CAP2: variants seen among roughly 807,000 people sequenced by gnomAD.
CAP2 encodes the protein adenylyl cyclase-associated protein 2.
A neutral mutation model predicts 57.7 loss-of-function variants in CAP2; 24 were observed. That is an observed-to-expected ratio of 0.42 (90% CI 0.30 to 0.58). CAP2 has a LOEUF of 0.58. Ranked by LOEUF, CAP2 falls within the 20% of genes least tolerant of loss-of-function variation. CAP2 has a pLI of 0.22. For synonymous variants in CAP2, 194 were observed against 207.2 expected (o/e 0.94, Z 0.55); for missense variants, 501 against 590.3 (o/e 0.85, Z 1.57).
intron 1 of CAP2, among the ~76,000 whole-genome samples, chr6:17,397,341 T>C (rs1758693339): frequency 6.6e-6 from 1 of 151,208 alleles, no homozygotes; most frequent in South Asian, 2.1e-4. Flanking sequence ...ATTACAGGCC[T>C]GAGCCACCGC....
At chr6:17,530,818 C>CTTT (rs35589543) in intron 7 of CAP2, 41 of 535,622 alleles carry the variant, frequency 7.7e-5, no homozygotes, top group South Asian at 2.2e-4. Context: ...TGGTCTCCCA[C>CTTT]TTTTTTTTTT....
chr6:17,416,359 G>A (rs145106412), intron 1 of CAP2, among the ~76,000 whole-genome samples: 25 of 152,044 alleles, frequency 1.6e-4, no homozygotes, highest in African/African-American at 4.8e-4. Flanking sequence ...TAGCTGCAGC[G>A]AACGTTCATT....
intron 4 of CAP2, among the ~76,000 whole-genome samples, chr6:17,487,615 A>G (rs1581561351): frequency 6.6e-6 from 1 of 151,894 alleles, no homozygotes; most frequent in African/African-American, 2.4e-5. Context: ...GATTACAGGC[A>G]CCCGCCACCA....
Position 17,539,444 on chromosome 6 carries a change from A to T in CAP2, c.812A>T (p.Glu271Val). The change falls in exon 8 of 13, where the codon GAA becomes GTA. Residue 271 changes from glutamate to valine, a missense_variant. Transcript: ENST00000229922. ...SALFAQLNQG[E>V]AITKGLRHVT... ...TTATTTGCCCAACTTAACCAGGGAG[A>T]AGCAATTACAAAAGGTGAGAGAGAA... 1 of 1,613,706 alleles carries T rather than the reference A, an allele frequency of 6.2e-7. No individual in the cohort carries two copies. Among genetic ancestry groups the T allele is most frequent in the South Asian group, 1.1e-5 (1 of 91,056 alleles).
intron 1 of CAP2, among the ~76,000 whole-genome samples, chr6:17,419,773 T>A (rs1206999774): frequency 6.6e-6 from 1 of 151,910 alleles, no homozygotes; most frequent in Non-Finnish European, 1.5e-5. Context: ...AACCTCCACC[T>A]CCTGGGTTCA....
chr6:17,545,405 A>C (rs1357065723), intron 11 of CAP2, among the ~76,000 whole-genome samples: 1 of 152,206 alleles, frequency 6.6e-6, no homozygotes, highest in African/African-American at 2.4e-5. Flanking sequence ...GAAAATGGGA[A>C]GTTCTAAATA....
chr6:17,552,910 C>T (rs1307314917), intron 12 of CAP2, among the ~76,000 whole-genome samples: 1 of 152,052 alleles, frequency 6.6e-6, no homozygotes, highest in Non-Finnish European at 1.5e-5. Flanking sequence ...ACATTACAGG[C>T]CAGAATTCAT....
At chr6:17,460,927 C>G (rs939071715) in intron 3 of CAP2, among the ~76,000 whole-genome samples, 1 of 152,134 alleles carries the variant, frequency 6.6e-6, no homozygotes, top group Admixed American at 6.5e-5. Flanking sequence ...ACAGGAGGAT[C>G]GCTTGAGCAC....
At chr6:17,539,204 C>T (rs192010997) in intron 7 of CAP2, 65 bp from the exon 8 acceptor site, 18 of 1,487,932 alleles carry the variant, frequency 1.2e-5, no homozygotes, top group African/African-American at 1.4e-5. Context: ...TCGACTCTCT[C>T]GGGCAAAATC....
chr6:17,536,003 G>A (rs972949132), intron 7 of CAP2, among the ~76,000 whole-genome samples: 2 of 152,072 alleles, frequency 1.3e-5, no homozygotes, highest in African/African-American at 4.8e-5. Flanking sequence ...ATTTTTAGTA[G>A]AGACAGTGTT....
chr6:17,531,031 C>T (rs1762626123), intron 7 of CAP2: 2 of 928,664 alleles, frequency 2.2e-6, no homozygotes, highest in Non-Finnish European at 1.8e-6. Context: ...AAGTTATTTG[C>T]TTCTTTGAAG....
At chr6:17,442,857 A>G (rs919764744) in intron 3 of CAP2, among the ~76,000 whole-genome samples, 1 of 151,878 alleles carries the variant, frequency 6.6e-6, no homozygotes, top group Non-Finnish European at 1.5e-5. Flanking sequence ...AGCTGGAACT[A>G]CAGATGTGCG....
chr6:17,445,378 A>G (rs1445345034), intron 3 of CAP2, among the ~76,000 whole-genome samples: 1 of 152,226 alleles, frequency 6.6e-6, no homozygotes, highest in Non-Finnish European at 1.5e-5. Flanking sequence ...AAGTGCTTGG[A>G]TTGTAGGCGT....
chr6:17,433,982 G>A (rs554395300), intron 3 of CAP2, among the ~76,000 whole-genome samples: 17 of 152,112 alleles, frequency 1.1e-4, no homozygotes, highest in African/African-American at 3.6e-4. Flanking sequence ...ACCAGACTTC[G>A]AAGGGCCACC....
chr6:17,551,150 A>G (rs934339660), intron 11 of CAP2, among the ~76,000 whole-genome samples: 1 of 152,228 alleles, frequency 6.6e-6, no homozygotes, highest in African/African-American at 2.4e-5. Context: ...TTTTGAATCT[A>G]CTAACAGGGT....
intron 1 of CAP2, among the ~76,000 whole-genome samples, chr6:17,407,540 G>A (rs1759012678): frequency 6.6e-6 from 1 of 151,696 alleles, no homozygotes; most frequent in Admixed American, 6.6e-5. Flanking sequence ...ACTTTTGGAG[G>A]CCAAGGCAGG....
At chr6:17,448,611 AAG>A (rs1760322841) in intron 3 of CAP2, among the ~76,000 whole-genome samples, 2 of 152,320 alleles carry the variant, frequency 1.3e-5, no homozygotes, top group South Asian at 4.1e-4. Flanking sequence ...AATTATTTAG[AAG>A]AGTTCAGTGT....
At chr6:17,449,974 C>T (rs1015511454) in intron 3 of CAP2, among the ~76,000 whole-genome samples, 18 of 151,998 alleles carry the variant, frequency 1.2e-4, no homozygotes, top group Non-Finnish European at 1.8e-4. Flanking sequence ...AATACTTTGC[C>T]GTCTGCTGAA....
intron 12 of CAP2, among the ~76,000 whole-genome samples, chr6:17,555,348 C>A (rs1426333690): frequency 6.6e-6 from 1 of 151,712 alleles, no homozygotes; most frequent in Non-Finnish European, 1.5e-5. Context: ...TCATGCGCCA[C>A]CACGCCCGGC....
Sources: gnomAD v4.1 joint callset for allele counts (sites outside exome capture counted in the v4.1 genomes callset) on GRCh38, gnomAD v4.1.1 for gene constraint, MANE v1.5 for transcripts, NCBI Gene and HGNC (gene_info 2026-07-23, HGNC 2026-07-21) for gene names.